Variants in NRXN1 observed in about 807,000 individuals in gnomAD.
NRXN1 encodes the protein neurexin 1.
A neutral mutation model predicts 150.9 loss-of-function variants in NRXN1; 39 were observed. The observed-to-expected ratio is 0.26, with a 90% CI of 0.20 to 0.34. The LOEUF (loss-of-function observed/expected upper bound fraction) is 0.34. NRXN1 is among the 10% of genes least tolerant of loss of function. NRXN1 has a pLI of 1.00. For missense variants in NRXN1, 1,815 were observed against 1,949.9 expected (o/e 0.93, Z 1.30); for synonymous variants, 924 against 757.0 (o/e 1.22, Z -3.62).
In NRXN1 at chr2:50,174,030, C is replaced by A. The variant is rs146222561; in HGVS notation, c.3546+62759G>T. Among the ~76,000 whole-genome samples, 958 of 152,096 alleles carry A rather than the reference C, an allele frequency of 6.3e-3. 5 individuals are homozygous for A. The highest frequency in any genetic ancestry group is 0.014 in the Middle Eastern group (4 of 294). Reference sequence around the variant, plus strand: ...CCTAAAACAATATATCAATCCCCTTCCCCACAAAAATAAAAAAAATTGATT... The same window carrying A: ...CCTAAAACAATATATCAATCCCCTTACCCACAAAAATAAAAAAAATTGATT... On this transcript the variant is annotated intron_variant, in intron 18 of 22. Coordinates refer to ENST00000401669, the MANE Select transcript of NRXN1 (RefSeq NM_001330078.2).
intron 17 of NRXN1, among the ~76,000 whole-genome samples, chr2:50,357,306 T>TTTTTTTA (rs2078889851): frequency 2.4e-4 from 31 of 131,422 alleles, no homozygotes; most frequent in African/African-American, 8.1e-4. Context: ...TTATTTATTT[T>TTTTTTTA]TTTTTTTATT....
chr2:50,061,797 T>C (rs1369284831), intron 19 of NRXN1, among the ~76,000 whole-genome samples: 1 of 152,228 alleles, frequency 6.6e-6, no homozygotes. Flanking sequence ...TAATTTTGTG[T>C]GGTTTGATCT....
intron 18 of NRXN1, among the ~76,000 whole-genome samples, chr2:50,161,259 A>G (rs1382484774): frequency 6.6e-6 from 1 of 152,156 alleles, no homozygotes; most frequent in East Asian, 1.9e-4. Flanking sequence ...ATGGTCTTAT[A>G]AAACAGGTAG....
chr2:50,426,971 TG>T (rs1308147017), intron 17 of NRXN1, among the ~76,000 whole-genome samples: 1 of 152,196 alleles, frequency 6.6e-6, no homozygotes, highest in Non-Finnish European at 1.5e-5. Context: ...GATATTTGGA[TG>T]TATTTTCAAA....
chr2:50,607,795 A>T (rs1217296869), intron 8 of NRXN1, among the ~76,000 whole-genome samples: 1 of 152,086 alleles, frequency 6.6e-6, no homozygotes, highest in Non-Finnish European at 1.5e-5. Flanking sequence ...ATTAAAACAC[A>T]CAGGCATTTT....
chr2:49,942,964 C>G (rs937500459), intron 22 of NRXN1, among the ~76,000 whole-genome samples: 1 of 152,086 alleles, frequency 6.6e-6, no homozygotes, highest in Non-Finnish European at 1.5e-5. Context: ...CAAACCAAAA[C>G]AAAACTAATG....
At chr2:50,763,807 G>A (rs750202348) in intron 5 of NRXN1, among the ~76,000 whole-genome samples, 4 of 151,874 alleles carry the variant, frequency 2.6e-5, no homozygotes, top group Non-Finnish European at 4.4e-5. Context: ...TGCCTCCCCT[G>A]CTGTTGCCTC....
intron 21 of NRXN1, among the ~76,000 whole-genome samples, chr2:50,034,035 C>G (rs1430581971): frequency 6.6e-6 from 1 of 150,796 alleles, no homozygotes; most frequent in Admixed American, 6.6e-5. Context: ...TGCTTATACA[C>G]TGTTGGGGGG....
chr2:50,819,102 G>A (rs974856430), intron 5 of NRXN1, among the ~76,000 whole-genome samples: 3 of 152,160 alleles, frequency 2.0e-5, no homozygotes, highest in Admixed American at 2.0e-4. Flanking sequence ...CAGCCACTGT[G>A]TGAAACAGTA....
At chr2:50,682,222 A>G (rs999664774) in intron 5 of NRXN1, among the ~76,000 whole-genome samples, 3 of 152,180 alleles carry the variant, frequency 2.0e-5, no homozygotes, top group African/African-American at 7.2e-5. Context: ...TAGATGCCCC[A>G]GCAAATTACC....
chr2:50,685,295 T>A (rs1691057229), intron 5 of NRXN1, among the ~76,000 whole-genome samples: 1 of 152,138 alleles, frequency 6.6e-6, no homozygotes, highest in Admixed American at 6.5e-5. Context: ...TCTCTAAAAA[T>A]TAAGCATATC....
At chr2:49,962,720 C>T (rs1471185454) in intron 21 of NRXN1, among the ~76,000 whole-genome samples, 1 of 151,968 alleles carries the variant, frequency 6.6e-6, no homozygotes, top group Non-Finnish European at 1.5e-5. Context: ...GCATAGAGGC[C>T]GGACACGGTG....
At chr2:50,283,104 A>G (rs1474718374) in intron 17 of NRXN1, among the ~76,000 whole-genome samples, 1 of 152,186 alleles carries the variant, frequency 6.6e-6, no homozygotes, top group Non-Finnish European at 1.5e-5. Flanking sequence ...TTGATTGTCA[A>G]GCTCCCATGC....
At chr2:50,342,037 G>A (rs1275663840) in intron 17 of NRXN1, among the ~76,000 whole-genome samples, 1 of 152,070 alleles carries the variant, frequency 6.6e-6, no homozygotes, top group South Asian at 2.1e-4. Flanking sequence ...TTCTGCCTCC[G>A]ATATCTTGCC....
intron 8 of NRXN1, among the ~76,000 whole-genome samples, chr2:50,574,234 T>C (rs1461882096): frequency 6.6e-6 from 1 of 152,060 alleles, no homozygotes; most frequent in African/African-American, 2.4e-5. Context: ...CCAAATGCCA[T>C]CTAACCAATA....
chr2:50,538,571 G>C lies in NRXN1; in HGVS notation c.1825C>G (p.Leu609Val). Residue 609 changes from leucine (L) to valine (V), a missense_variant, in exon 10 of 23, where the codon CTG (leucine) becomes GTG (valine). Leu to Val is a conservative substitution (Grantham distance 32, BLOSUM62 1). Coordinates refer to ENST00000401669, the MANE Select transcript of NRXN1 (RefSeq NM_001330078.2). ...CCCCCCAGGTACAACTCATCATCCAGGTCCAGAATCTCACTCTCACCAGGA... is the reference window on the plus strand; with the variant it reads ...CCCCCCAGGTACAACTCATCATCCACGTCCAGAATCTCACTCTCACCAGGA... ...TAPGESEILD[L>V]DDELYLGGLP... The C allele has an allele frequency of 6.4e-7, 1 of 1,563,260 alleles. No homozygotes were observed. The highest frequency in any genetic ancestry group is 8.7e-7 in the Non-Finnish European group (1 of 1,153,410).
At chr2:50,452,875 G>C (rs574015041) in intron 17 of NRXN1, among the ~76,000 whole-genome samples, 2 of 152,198 alleles carry the variant, frequency 1.3e-5, no homozygotes, top group Non-Finnish European at 1.5e-5. Flanking sequence ...ATGTACACTT[G>C]GATTTGGTCA....
intron 21 of NRXN1, among the ~76,000 whole-genome samples, chr2:50,045,748 T>C (rs1405468999): frequency 6.6e-6 from 1 of 152,204 alleles, no homozygotes; most frequent in Non-Finnish European, 1.5e-5. Flanking sequence ...GTCCTACCAC[T>C]GAGACTAGAC....
intron 18 of NRXN1, among the ~76,000 whole-genome samples, chr2:50,099,319 C>T (rs552080215): frequency 1.3e-5 from 2 of 151,812 alleles, no homozygotes; most frequent in South Asian, 2.1e-4. Flanking sequence ...CCCAGAATAC[C>T]TTTCTTTACT....
Sources: gnomAD v4.1 joint callset for allele counts (sites outside exome capture counted in the v4.1 genomes callset) on GRCh38, gnomAD v4.1.1 for gene constraint, MANE v1.5 for transcripts, NCBI Gene and HGNC (gene_info 2026-07-23, HGNC 2026-07-21) for gene names.